The following AZIN2 variants were observed in gnomAD, a reference collection of about 807,000 sequenced individuals.
AZIN2 encodes the protein antizyme inhibitor 2, also known as ODC antizyme inhibitor-2.
Under a neutral mutation model 47.8 loss-of-function variants are expected in AZIN2, and 28 were observed. That is an observed-to-expected ratio of 0.59 (90% CI 0.43 to 0.80). The LOEUF is 0.80. Ranked by LOEUF, AZIN2 falls within the 30% of genes least tolerant of loss-of-function variation. The pLI, the probability that AZIN2 is intolerant of heterozygous loss-of-function variation, is 0.00. For missense variants in AZIN2, 535 were observed against 582.5 expected, an observed-to-expected ratio of 0.92 and a Z score of 0.84; for synonymous variants, 221 against 239.4, an observed-to-expected ratio of 0.92 and a Z score of 0.71.
chr1:33,103,071 C>A (rs1643828043), intron 10 of AZIN2, among the ~76,000 whole-genome samples: 1 of 152,140 alleles, frequency 6.6e-6, no homozygotes, highest in Non-Finnish European at 1.5e-5. Flanking sequence ...GCCACCATTG[C>A]CTCCTGCTTG....
the AZIN2 span, among the ~76,000 whole-genome samples, chr1:33,143,537 G>T: frequency 6.6e-6 from 1 of 152,094 alleles, no homozygotes; most frequent in Non-Finnish European, 1.5e-5. Flanking sequence ...GACAATCAGA[G>T]ACCTCTCCAC....
intron 5 of AZIN2, 143 bp downstream of exon 5, chr1:33,084,270 T>C (rs1242612900): frequency 5.8e-6 from 5 of 867,830 alleles, no homozygotes; most frequent in Non-Finnish European, 8.8e-6. Flanking sequence ...TCAGGAGGGG[T>C]CTCAAGGGAT....
rs749026434 is a variant in AZIN2 at position 33,084,011 on chromosome 1, T to C, written c.163T>C (p.Cys55Arg). The C allele has an allele frequency of 6.2e-7, 1 of 1,614,210 alleles. No individual in the cohort carries two copies. Among genetic ancestry groups the C allele is most frequent in the East Asian group, 2.2e-5 (1 of 44,886 alleles). The change falls in exon 5 of 12, where the codon TGC becomes CGC. Residue 55 changes from cysteine (C) to arginine (R), a missense_variant. By Grantham distance (180) the Cys-to-Arg change is radical. Coordinates refer to ENST00000294517, the MANE Select transcript of AZIN2 (RefSeq NM_052998.4). ...DLGAIVRKHF[C>R]FLKCLPRVRP... ...GGGTGCCATAGTGAGGAAGCACTTTTGCTTTCTGAAGTGCCTGCCACGAGT... is the reference window on the plus strand; with the variant it reads ...GGGTGCCATAGTGAGGAAGCACTTTCGCTTTCTGAAGTGCCTGCCACGAGT...
intron 8 of AZIN2, among the ~76,000 whole-genome samples, chr1:33,095,739 T>C (rs991099898): frequency 3.3e-5 from 5 of 152,246 alleles, no homozygotes; most frequent in Non-Finnish European, 1.5e-5. Flanking sequence ...TAGCCTACTG[T>C]TGACAAGAAG....
At chr1:33,124,880 A>T (rs1204399723), downstream of AZIN2, among the ~76,000 whole-genome samples, 2 of 152,236 alleles carry the variant, frequency 1.3e-5, no homozygotes, top group Non-Finnish European at 2.9e-5. This position sits in a 1 kb window ranked among gnomAD's most constrained non-coding sequence, Gnocchi z 4.6. Flanking sequence ...ATAGTATTCC[A>T]TGGTGTATAT....
chr1:33,144,037 A>AC, the AZIN2 span, among the ~76,000 whole-genome samples: 2 of 152,132 alleles, frequency 1.3e-5, no homozygotes, highest in Non-Finnish European at 2.9e-5. Flanking sequence ...TACAGAAGAT[A>AC]GTGTCTGATG....
chr1:33,147,154 G>A, the AZIN2 span: 9 of 1,607,466 alleles, frequency 5.6e-6, no homozygotes, highest in South Asian at 6.6e-5. This position sits in a 1 kb window ranked among gnomAD's most constrained non-coding sequence, Gnocchi z 8.1. Context: ...GTCCCAGGAG[G>A]TTGTGGTCTC....
chr1:33,148,813 A>G, the AZIN2 span, among the ~76,000 whole-genome samples: 1 of 152,336 alleles, frequency 6.6e-6, no homozygotes, highest in South Asian at 2.1e-4. Flanking sequence ...GAAAACCATG[A>G]ATTCTAGGCC....
rs373946334 is a variant in AZIN2, at chr1:33,117,952, G to C, written c.1080G>C (p.Ala360=). 1.2e-6 allele frequency: 2 copies of C among 1,613,638 alleles called. No individual in the cohort carries two copies. The highest frequency in any genetic ancestry group is 1.7e-5 in the Admixed American group (1 of 59,908). ...ACAGCAGCAGCCTGTGGGGCCCGGC[G>C]GTTGATGGCTGTGATTGCGTGGCTG... ...PLYSSSLWGP[A]VDGCDCVAEG... The change falls in exon 11 of 12, where the codon GCG becomes GCC. Residue 360 remains alanine (A), a synonymous_variant. Coordinates refer to ENST00000294517, the MANE Select transcript of AZIN2 (RefSeq NM_052998.4).
the AZIN2 span, among the ~76,000 whole-genome samples, chr1:33,155,040 C>A: frequency 2.8e-5 from 4 of 143,680 alleles, no homozygotes; most frequent in African/African-American, 1.0e-4. Context: ...TTGCAGTGAG[C>A]CGAGATCGCG....
intron 10 of AZIN2, among the ~76,000 whole-genome samples, chr1:33,109,745 G>A (rs1380784847): frequency 6.6e-6 from 1 of 150,904 alleles, no homozygotes; most frequent in Admixed American, 6.6e-5. Context: ...TTTTTCTGTA[G>A]TGCTTATTAC....
At chr1:33,083,735 G>T (rs140843286) in intron 4 of AZIN2, 27 of 584,086 alleles carry the variant, frequency 4.6e-5, no homozygotes, top group Non-Finnish European at 7.1e-5. Context: ...AGTTTTAGCC[G>T]CATTGAGGGG....
chr1:33,104,446 T>G, intron 10 of AZIN2, among the ~76,000 whole-genome samples: 1 of 152,160 alleles, frequency 6.6e-6, no homozygotes, highest in East Asian at 1.9e-4. Flanking sequence ...ATAGAAGTTT[T>G]GACACACTAT....
At chr1:33,150,864 T>C in the AZIN2 span, among the ~76,000 whole-genome samples, 149,017 of 152,224 alleles carry the variant, frequency 0.98, 72,972 homozygotes, top group East Asian at 0.99. Context: ...GGTGTGACAG[T>C]GGAGGGGCAG....
intron 10 of AZIN2, among the ~76,000 whole-genome samples, chr1:33,103,850 A>G (rs1307290614): frequency 6.6e-6 from 1 of 151,850 alleles, no homozygotes; most frequent in Non-Finnish European, 1.5e-5. Context: ...AACTTGGCAT[A>G]CAGTAGGTTC....
the AZIN2 span, among the ~76,000 whole-genome samples, chr1:33,162,036 C>T: frequency 5.9e-5 from 9 of 152,288 alleles, no homozygotes; most frequent in Admixed American, 2.0e-4. Context: ...ACAGTCTCCC[C>T]AACACATCCC....
the AZIN2 span, among the ~76,000 whole-genome samples, chr1:33,149,454 C>A: frequency 7.4e-6 from 1 of 134,836 alleles, no homozygotes; most frequent in Non-Finnish European, 1.6e-5. Context: ...GTGCTGGATT[C>A]TTTTAAAAAA....
At chr1:33,140,345 C>T in the AZIN2 span, among the ~76,000 whole-genome samples, 2 of 152,188 alleles carry the variant, frequency 1.3e-5, no homozygotes, top group Non-Finnish European at 2.9e-5. The surrounding 1 kb of genome is among the most constrained non-coding windows in gnomAD (Gnocchi z 4.0). Context: ...TTTTGGTGAC[C>T]TTTCAGGTCC....
chr1:33,136,979 A>T, the AZIN2 span, among the ~76,000 whole-genome samples: 10 of 151,410 alleles, frequency 6.6e-5, no homozygotes, highest in African/African-American at 2.4e-4. Context: ...CCTGGGCGAC[A>T]GAGCAAGACT....
Sources: gnomAD v4.1 joint callset for allele counts (sites outside exome capture counted in the v4.1 genomes callset) on GRCh38, gnomAD v4.1.1 for gene constraint, Gnocchi (gnomAD v3.1) non-coding constraint, MANE v1.5 for transcripts, NCBI Gene and HGNC (gene_info 2026-07-23, HGNC 2026-07-21) for gene names.